Variants in EEA1 observed in about 807,000 individuals in gnomAD.
EEA1 encodes early endosome antigen 1, also known as early endosome antigen 1, 162kD.
A neutral mutation model predicts 209.2 loss-of-function variants in EEA1; 111 were observed. The observed-to-expected ratio is 0.53, with a 90% CI of 0.45 to 0.62. EEA1 has a LOEUF of 0.62. EEA1 is among the 20% of genes least tolerant of loss of function. The pLI is 0.00. For synonymous variants in EEA1, 536 were observed against 540.6 expected (o/e 0.99, Z 0.12); for missense variants, 1,343 against 1,530.8 (o/e 0.88, Z 2.05).
intron 18 of EEA1, among the ~76,000 whole-genome samples, chr12:92,804,298 C>T (rs1054261304): frequency 6.6e-6 from 1 of 152,052 alleles, no homozygotes; most frequent in Non-Finnish European, 1.5e-5. Context: ...TAGGGCCAGG[C>T]ACGGTGGCTC....
chr12:92,860,972 G>T (rs1405880208), intron 3 of EEA1, among the ~76,000 whole-genome samples: 1 of 151,816 alleles, frequency 6.6e-6, no homozygotes, highest in Non-Finnish European at 1.5e-5. Context: ...AAATAGGGGG[G>T]AAATACACAC....
chr12:92,926,074 A>G (rs980336953), intron 1 of EEA1, among the ~76,000 whole-genome samples: 1 of 151,348 alleles, frequency 6.6e-6, no homozygotes, highest in Non-Finnish European at 1.5e-5. Context: ...GCTCACTGCA[A>G]TCTCCACCTC....
At chr12:92,886,902 A>G (rs1022039585) in intron 2 of EEA1, among the ~76,000 whole-genome samples, 8 of 151,902 alleles carry the variant, frequency 5.3e-5, no homozygotes, top group Non-Finnish European at 1.0e-4. Flanking sequence ...GGAGGCTGAG[A>G]CAGGAGAATG....
At chr12:92,876,108 A>G (rs1878867611) in intron 2 of EEA1, among the ~76,000 whole-genome samples, 1 of 151,976 alleles carries the variant, frequency 6.6e-6, no homozygotes, top group Non-Finnish European at 1.5e-5. Context: ...GTCTCACTCT[A>G]TCATCCCAGC....
intron 9 of EEA1, among the ~76,000 whole-genome samples, chr12:92,844,064 C>CTGAA (rs1877291679): frequency 6.6e-6 from 1 of 152,046 alleles, no homozygotes; most frequent in Admixed American, 6.5e-5. Flanking sequence ...AGGTAAGTGA[C>CTGAA]TGAACTGAAA....
intron 1 of EEA1, 101 bp downstream of exon 1, chr12:92,928,942 G>C: frequency 7.6e-7 from 1 of 1,312,702 alleles, no homozygotes; most frequent in Non-Finnish European, 1.0e-6. Context: ...TGGGGCCTAG[G>C]GAAGGAAGGA....
At chr12:92,859,658 A>C (rs1416128645) in intron 3 of EEA1, among the ~76,000 whole-genome samples, 1 of 152,236 alleles carries the variant, frequency 6.6e-6, no homozygotes, top group Non-Finnish European at 1.5e-5. Context: ...ACTGTAGTAA[A>C]TAATGCTTTG....
chr12:92,858,324 A>G (rs1438284292), intron 3 of EEA1: 1 of 769,002 alleles, frequency 1.3e-6, no homozygotes. Flanking sequence ...CTAACAGAAA[A>G]TGCTTCGTGA....
At position 92,794,455 on chromosome 12, in the gene EEA1, C is replaced by G. The variant is rs570554080; in HGVS notation, c.2967+4437G>C. 5.3e-5 allele frequency among the ~76,000 whole-genome samples: 8 copies of G among 152,160 alleles called. No homozygotes were observed. In the East Asian group the frequency reaches 1.4e-3, roughly 26 times the overall value. ...CGTATGTTTATTGCAGCACTATTCA[C>G]AATAGCAAAGACTTGGAACCAACCC... On this transcript the variant is annotated intron_variant, in intron 21 of 28. Coordinates refer to ENST00000322349, the MANE Select transcript of EEA1 (RefSeq NM_003566.4).
At position 92,852,988 on chromosome 12, in the gene EEA1, T is replaced by C. The variant is rs746308835; in HGVS notation, c.444A>G (p.Gln148=). ...QSLEQQLEEA[Q]TENFNIKQMK... is the part of the protein sequence containing the mutation. ...TTTGCTTAATATTAAAATTTTCTGT[T>C]TGGGCTTCTTCTAATTGCTGTTCCA... The change falls in exon 7 of 29, where the codon CAA becomes CAG. Residue 148 remains glutamine (Q), a synonymous_variant. Transcript: ENST00000322349. 7.4e-6 allele frequency: 12 copies of C among 1,611,600 alleles called. No homozygotes were observed. The highest frequency in any genetic ancestry group is 1.0e-5 in the Non-Finnish European group (12 of 1,178,958).
chr12:92,799,595 G>A (rs1369349311), intron 20 of EEA1, among the ~76,000 whole-genome samples: 1 of 151,818 alleles, frequency 6.6e-6, no homozygotes, highest in African/African-American at 2.4e-5. Flanking sequence ...GACCATCCTG[G>A]CTAACACAGT....
chr12:92,903,635 G>A (rs1880246281), intron 1 of EEA1, among the ~76,000 whole-genome samples: 1 of 151,366 alleles, frequency 6.6e-6, no homozygotes. Flanking sequence ...TATGATATAT[G>A]ATACATCTAT....
chr12:92,801,483 A>T (rs1874904845), intron 20 of EEA1, 117 bp downstream of exon 20: 1 of 561,298 alleles, frequency 1.8e-6, no homozygotes, highest in Non-Finnish European at 2.8e-6. Context: ...TTAAAACTAT[A>T]AAAAAAAATT....
chr12:92,841,777 G>A (rs902396490), intron 10 of EEA1, among the ~76,000 whole-genome samples: 1 of 152,130 alleles, frequency 6.6e-6, no homozygotes, highest in South Asian at 2.1e-4. Flanking sequence ...TACAGTTGGT[G>A]GGAATATAAA....
intron 1 of EEA1, among the ~76,000 whole-genome samples, chr12:92,923,352 C>CA (rs927144575): frequency 3.1e-4 from 46 of 146,990 alleles, no homozygotes; most frequent in Non-Finnish European, 4.1e-4. Flanking sequence ...CGTCTCAAAA[C>CA]AAAAAAAAAA....
intron 21 of EEA1, among the ~76,000 whole-genome samples, chr12:92,789,858 A>T (rs1340359589): frequency 6.6e-6 from 1 of 152,104 alleles, no homozygotes; most frequent in Non-Finnish European, 1.5e-5. Flanking sequence ...ACTGGGAGAC[A>T]CCTCCCAATA....
At chr12:92,806,280 A>G (rs1277434598) in intron 18 of EEA1, among the ~76,000 whole-genome samples, 1 of 152,234 alleles carries the variant, frequency 6.6e-6, no homozygotes, top group Non-Finnish European at 1.5e-5. Flanking sequence ...ATTTTTAAAA[A>G]GACAAATTAG....
intron 13 of EEA1, among the ~76,000 whole-genome samples, chr12:92,821,577 C>T (rs886109766): frequency 1.4e-4 from 21 of 152,048 alleles, no homozygotes; most frequent in African/African-American, 4.6e-4. Flanking sequence ...TTTCTGGTTC[C>T]GGTTTCAACC....
chr12:92,870,574 A>G (rs1219901158), intron 2 of EEA1, among the ~76,000 whole-genome samples: 1 of 152,204 alleles, frequency 6.6e-6, no homozygotes, highest in Non-Finnish European at 1.5e-5. Flanking sequence ...GTGTTAAAAC[A>G]AAAATTGAGA....
Sources: gnomAD v4.1 joint callset for allele counts (sites outside exome capture counted in the v4.1 genomes callset) on GRCh38, gnomAD v4.1.1 for gene constraint, MANE v1.5 for transcripts, NCBI Gene and HGNC (gene_info 2026-07-23, HGNC 2026-07-21) for gene names.